GSN: variants seen among roughly 807,000 people sequenced by gnomAD.
GSN encodes actin-depolymerizing factor.
Under a neutral mutation model 85.7 loss-of-function variants are expected in GSN, and 56 were observed. That is an observed-to-expected ratio of 0.65 (90% CI 0.53 to 0.82). The LOEUF is 0.82. Among genes scored for constraint, GSN ranks in the 40% least tolerant of loss-of-function variants. GSN has a pLI of 0.00. For synonymous variants in GSN, 373 were observed against 399.1 expected (o/e 0.93, Z 0.78); for missense variants, 857 against 979.8 (o/e 0.87, Z 1.67).
chr9:121,260,086 G>A (rs1186186810), intron 6 of GSN, among the ~76,000 whole-genome samples: 1 of 152,266 alleles, frequency 6.6e-6, no homozygotes, highest in Non-Finnish European at 1.5e-5. Flanking sequence ...TCTGGACTAA[G>A]CACAGAGGAA....
chr9:121,258,292 G>A (rs1445624781), intron 6 of GSN, among the ~76,000 whole-genome samples: 2 of 152,168 alleles, frequency 1.3e-5, no homozygotes, highest in African/African-American at 4.8e-5. Flanking sequence ...GTGAAACCCT[G>A]TCTCTACTAA....
At chr9:121,315,756 C>A (rs1054740963) in intron 7 of GSN, among the ~76,000 whole-genome samples, 1 of 151,846 alleles carries the variant, frequency 6.6e-6, no homozygotes, top group East Asian at 1.9e-4. Context: ...AGTGAGACTC[C>A]GTCTCAAAAA....
intron 6 of GSN, 73 bp from the exon 7 acceptor site, chr9:121,313,861 C>T: frequency 8.4e-7 from 1 of 1,185,870 alleles, no homozygotes; most frequent in Admixed American, 1.7e-5. Flanking sequence ...TCCTTGCCTG[C>T]CTGGGAGCTA....
At chr9:121,243,890 C>T (rs1162103203) in intron 5 of GSN, among the ~76,000 whole-genome samples, 1 of 152,136 alleles carries the variant, frequency 6.6e-6, no homozygotes, top group East Asian at 1.9e-4. Flanking sequence ...ATTTTTAGTG[C>T]ACAATTGTAT....
chr9:121,309,112 G>A (rs1467877681), intron 4 of GSN: 1 of 152,232 alleles, frequency 6.6e-6, no homozygotes, highest in African/African-American at 2.4e-5. Context: ...GCCTTGGCTT[G>A]GCCACGCACT....
chr9:121,239,095 G>C (rs558259085), intron 5 of GSN: 1 of 369,922 alleles, frequency 2.7e-6, no homozygotes, highest in East Asian at 6.7e-5. Flanking sequence ...TTGAGTAATT[G>C]AGCCATTTCT....
chr9:121,246,030 A>G (rs1255414207), intron 5 of GSN, among the ~76,000 whole-genome samples: 1 of 152,270 alleles, frequency 6.6e-6, no homozygotes, highest in Admixed American at 6.5e-5. Flanking sequence ...TGTATTTTTT[A>G]AAAAGAACTT....
intron 4 of GSN, among the ~76,000 whole-genome samples, chr9:121,213,336 G>C (rs1304789162): frequency 6.6e-6 from 1 of 152,098 alleles, no homozygotes; most frequent in Non-Finnish European, 1.5e-5. Context: ...GTATCCCTTC[G>C]TCTATTCTGG....
rs755587324 is a variant in GSN at position 121,320,881 on chromosome 9, A to G, written c.1192-387A>G. ...ATTATCCCCATTTTTCAGATGGGAA[A>G]ACTGAGGCTAAGAGTGGTTAAGCCA... On this transcript the variant is annotated intron_variant, in intron 10 of 17. Coordinates refer to ENST00000432226, the MANE Select transcript of GSN (RefSeq NM_198252.3). Among the ~76,000 whole-genome samples, 4 of 152,112 alleles carry G rather than the reference A, an allele frequency of 2.6e-5. No individual in the cohort carries two copies. In the East Asian group the frequency reaches 5.8e-4, roughly 22 times the overall value.
At chr9:121,302,575 C>T (rs192973171) in intron 3 of GSN, among the ~76,000 whole-genome samples, 155 of 152,162 alleles carry the variant, frequency 1.0e-3, no homozygotes, top group African/African-American at 3.4e-3. Context: ...GTCCCTGCCA[C>T]ACCTCTGCCG....
At chr9:121,258,364 G>A (rs1047124845) in intron 6 of GSN, among the ~76,000 whole-genome samples, 1 of 152,156 alleles carries the variant, frequency 6.6e-6, no homozygotes, top group African/African-American at 2.4e-5. Context: ...TCAGGAGGCT[G>A]AGGCATGAGA....
intron 2 of GSN, among the ~76,000 whole-genome samples, chr9:121,300,651 G>C (rs1050078175): frequency 6.6e-6 from 1 of 151,906 alleles, no homozygotes; most frequent in African/African-American, 2.4e-5. Flanking sequence ...CACCCTCCCC[G>C]GCCCCAGCCC....
chr9:121,312,401 G>T lies in GSN; in HGVS notation c.576G>T (p.Val192=). The change falls in exon 6 of 18, where the codon GTG becomes GTT. Residue 192 remains valine, a synonymous_variant. Coordinates refer to ENST00000432226, the MANE Select transcript of GSN (RefSeq NM_198252.3). ...NRYERLKATQ[V]SKGIRDNERS... ...ATGAAAGACTGAAGGCCACACAGGT[G>T]TCCAAGGGCATCCGGGACAACGAGC... is the stretch of plus-strand genomic sequence containing the variant. The T allele has an allele frequency of 6.2e-7, 1 of 1,614,144 alleles. No individual in the cohort carries two copies. Among genetic ancestry groups the T allele is most frequent in the Non-Finnish European group, 8.5e-7 (1 of 1,179,968 alleles).
At position 121,327,227 on chromosome 9, in the gene GSN, G is replaced by T. The variant is rs2063317137; in HGVS notation, c.1588-81G>T. ...AAGTCCCCACCTGAGAGCTAGTCCT[G>T]CTGCGGGGTCTCCTGGGCTGTGAGG... is the stretch of plus-strand genomic sequence containing the variant. On this transcript the variant is annotated intron_variant, in intron 13 of 17. Transcript: ENST00000432226. The T allele has an allele frequency of 2.7e-6, 3 of 1,123,790 alleles. No individual in the cohort carries two copies. In the Admixed American group the frequency reaches 5.2e-5, roughly 19 times the overall value. The allele number at this position is 1,123,790 out of a possible 1,614,324, so 69.6% of individuals were successfully genotyped here. A position where few individuals can be genotyped will look rare whatever the true frequency, so the allele number is the denominator to read the frequency against.
intron 2 of GSN, among the ~76,000 whole-genome samples, chr9:121,295,608 G>A (rs953356596): frequency 2.6e-5 from 4 of 152,204 alleles, no homozygotes; most frequent in Admixed American, 1.3e-4. Context: ...CTGGTAGGGG[G>A]TCCCGCAGAC....
upstream of GSN, chr9:121,265,269 C>T (rs2055173133): frequency 6.6e-6 from 1 of 152,250 alleles, no homozygotes; most frequent in African/African-American, 2.4e-5. Flanking sequence ...CTGAAGCCTC[C>T]TGGGCTGCCC....
At chr9:121,290,567 G>A (rs1002663491) in intron 2 of GSN, among the ~76,000 whole-genome samples, 1 of 152,222 alleles carries the variant, frequency 6.6e-6, no homozygotes, top group African/African-American at 2.4e-5. Context: ...ACAAGTTATT[G>A]TATATACTTA....
At chr9:121,317,010 G>A in intron 7 of GSN, 76 bp from the exon 8 acceptor site, 1 of 1,596,552 alleles carries the variant, frequency 6.3e-7, no homozygotes, top group Non-Finnish European at 8.6e-7. Flanking sequence ...CAGGGGGTGG[G>A]GCAAGATGGT....
Position 121,332,337 on chromosome 9 carries a change from C to T in GSN, c.2027-97C>T. On this transcript the variant is annotated intron_variant, in intron 17 of 17. Coordinates refer to ENST00000432226, the MANE Select transcript of GSN (RefSeq NM_198252.3). This position sits in a 1 kb window ranked among gnomAD's most constrained non-coding sequence, Gnocchi z 4.8. ...AGTAGGGACAGTAGGACCATAGACC[C>T]TCTTCTTTGTCAACTCCTGTCCTGA... 1 of 1,103,162 alleles carries T rather than the reference C, an allele frequency of 9.1e-7. No individual in the cohort carries two copies. The highest frequency in any genetic ancestry group is 1.4e-6 in the Non-Finnish European group (1 of 714,256). 68.3% of individuals were successfully genotyped at this position (1,103,162 alleles called of 1,614,324 possible).
Sources: gnomAD v4.1 joint callset for allele counts (sites outside exome capture counted in the v4.1 genomes callset) on GRCh38, gnomAD v4.1.1 for gene constraint, Gnocchi (gnomAD v3.1) non-coding constraint, MANE v1.5 for transcripts, NCBI Gene and HGNC (gene_info 2026-07-23, HGNC 2026-07-21) for gene names.